Variants in NRXN1 observed in about 807,000 individuals in gnomAD.
NRXN1 encodes the protein neurexin 1, also known as neurexin-1.
Under a neutral mutation model 150.9 loss-of-function variants are expected in NRXN1, and 39 were observed. That is an observed-to-expected ratio of 0.26 (90% CI 0.20 to 0.34). NRXN1 has a LOEUF of 0.34. NRXN1 is among the 10% of genes least tolerant of loss of function. The pLI, the probability that NRXN1 is intolerant of heterozygous loss-of-function variation, is 1.00. For missense variants in NRXN1, 1,815 were observed against 1,949.9 expected (o/e 0.93, Z 1.30); for synonymous variants, 924 against 757.0 (o/e 1.22, Z -3.62).
chr2:50,139,044 G>A (rs950954827), intron 18 of NRXN1, among the ~76,000 whole-genome samples: 1 of 152,142 alleles, frequency 6.6e-6, no homozygotes, highest in Non-Finnish European at 1.5e-5. Context: ...TACTGCATGT[G>A]GACGGGCAAG....
chr2:49,988,620 A>C (rs1195654313), intron 21 of NRXN1, among the ~76,000 whole-genome samples: 5 of 19,784 alleles, frequency 2.5e-4, no homozygotes, highest in Non-Finnish European at 7.8e-4. Flanking sequence ...GTTAACTATT[A>C]AAAAAAAAAA....
chr2:51,026,471 T>C, intron 2 of NRXN1: 1 of 1,588,064 alleles, frequency 6.3e-7, no homozygotes, highest in Non-Finnish European at 8.6e-7. Context: ...ATTTTATTTC[T>C]AAAGAGGAGA....
At chr2:50,051,262 A>G (rs1692667399) in intron 21 of NRXN1, among the ~76,000 whole-genome samples, 2 of 152,056 alleles carry the variant, frequency 1.3e-5, no homozygotes, top group Non-Finnish European at 2.9e-5. Context: ...ATTTCTTAAT[A>G]TATGTTACTA....
intron 18 of NRXN1, among the ~76,000 whole-genome samples, chr2:50,195,348 G>C (rs2061689288): frequency 6.6e-6 from 1 of 152,038 alleles, no homozygotes; most frequent in Non-Finnish European, 1.5e-5. Context: ...TTGTCTCCTT[G>C]TTGCTTCATG....
intron 17 of NRXN1, among the ~76,000 whole-genome samples, chr2:50,265,643 A>C (rs1012377178): frequency 1.3e-5 from 2 of 152,188 alleles, no homozygotes; most frequent in Non-Finnish European, 2.9e-5. Context: ...ACCAAAAGCA[A>C]GACATAGCAC....
chr2:50,047,053 T>C (rs2152608734), intron 21 of NRXN1, among the ~76,000 whole-genome samples: 1 of 152,256 alleles, frequency 6.6e-6, no homozygotes, highest in Middle Eastern at 3.4e-3. Flanking sequence ...GGGAACAATA[T>C]GACTGTATTT....
intron 5 of NRXN1, chr2:50,912,057 G>A (rs1306459948): frequency 6.6e-6 from 1 of 151,762 alleles, no homozygotes; most frequent in Non-Finnish European, 1.5e-5. Context: ...GAAGCATTAT[G>A]AGGTGAGTTA....
chr2:50,958,984 G>A (rs2104668432), intron 2 of NRXN1, among the ~76,000 whole-genome samples: 1 of 152,072 alleles, frequency 6.6e-6, no homozygotes, highest in East Asian at 1.9e-4. Context: ...TTGTCGTAGT[G>A]TCTTTGCTAA....
chr2:50,957,423 T>A (rs1692450623), intron 2 of NRXN1, among the ~76,000 whole-genome samples: 1 of 152,040 alleles, frequency 6.6e-6, no homozygotes, highest in African/African-American at 2.4e-5. Context: ...TAACTGGGAG[T>A]GGATATTACC....
rs202136991 is a variant in NRXN1 at position 50,921,883 on chromosome 2, A to G, written c.821-3T>C. The G allele has an allele frequency of 2.9e-6, 4 of 1,402,860 alleles. No individual in the cohort carries two copies. Among genetic ancestry groups the G allele is most frequent in the East Asian group, 2.6e-5 (1 of 38,738 alleles). 86.9% of individuals were successfully genotyped at this position (1,402,860 alleles called of 1,614,324 possible). A position where few individuals can be genotyped will look rare whatever the true frequency, so the allele number is the denominator to read the frequency against. The stretch of plus-strand genomic sequence containing the variant: ...TAATGTAATACCTTTACTTTTACCT[A>G]TGGATTTGATGAAATGGGTCCATGA... On this transcript the variant is annotated splice_region_variant and splice_polypyrimidine_tract_variant and intron_variant, in intron 4 of 22. Coordinates refer to ENST00000401669, the MANE Select transcript of NRXN1 (RefSeq NM_001330078.2).
intron 8 of NRXN1, among the ~76,000 whole-genome samples, chr2:50,583,051 T>TG (rs1321450002): frequency 6.9e-6 from 1 of 145,164 alleles, no homozygotes; most frequent in African/African-American, 2.5e-5. Context: ...TCCCACCTAG[T>TG]TTTTTTTTTT....
intron 8 of NRXN1, among the ~76,000 whole-genome samples, chr2:50,553,785 G>A (rs1365312993): frequency 2.6e-5 from 4 of 152,122 alleles, no homozygotes; most frequent in African/African-American, 9.7e-5. Flanking sequence ...ATTTTCCAAG[G>A]CACTTCAGTG....
At chr2:49,923,724 G>A (rs1390516518) in intron 22 of NRXN1, among the ~76,000 whole-genome samples, 2 of 152,132 alleles carry the variant, frequency 1.3e-5, no homozygotes, top group African/African-American at 4.8e-5. Context: ...CTAAACGTGT[G>A]TGTGTGTGTG....
intron 17 of NRXN1, among the ~76,000 whole-genome samples, chr2:50,290,859 T>A (rs2072832903): frequency 6.6e-6 from 1 of 152,166 alleles, no homozygotes; most frequent in Non-Finnish European, 1.5e-5. Context: ...CTGCTGCATG[T>A]GGCTGACAGT....
intron 17 of NRXN1, among the ~76,000 whole-genome samples, chr2:50,310,669 G>A (rs1327790326): frequency 6.6e-6 from 1 of 152,080 alleles, no homozygotes; most frequent in African/African-American, 2.4e-5. Context: ...TGTTATTGGA[G>A]AACATTTAGT....
intron 8 of NRXN1, among the ~76,000 whole-genome samples, chr2:50,565,387 A>T (rs1407966632): frequency 6.9e-6 from 1 of 144,776 alleles, no homozygotes; most frequent in African/African-American, 2.6e-5. Context: ...TCACTTCAAT[A>T]AAAAAAAAAT....
chr2:50,028,232 T>A (rs991684433), intron 21 of NRXN1, among the ~76,000 whole-genome samples: 2 of 152,206 alleles, frequency 1.3e-5, no homozygotes, highest in Non-Finnish European at 2.9e-5. Context: ...ATTCTTTTTG[T>A]GGATATACTG....
At chr2:51,002,119 G>A (rs985459206) in intron 2 of NRXN1, among the ~76,000 whole-genome samples, 1 of 151,852 alleles carries the variant, frequency 6.6e-6, no homozygotes. Flanking sequence ...TATTTTTTCA[G>A]GTCTTCACTT....
chr2:50,113,256 G>A (rs1702609652), intron 18 of NRXN1, among the ~76,000 whole-genome samples: 1 of 152,036 alleles, frequency 6.6e-6, no homozygotes, highest in East Asian at 1.9e-4. Context: ...TTCCTCTCCT[G>A]ATTTTGTATA....
Sources: gnomAD v4.1 joint callset for allele counts (sites outside exome capture counted in the v4.1 genomes callset) on GRCh38, gnomAD v4.1.1 for gene constraint, MANE v1.5 for transcripts, NCBI Gene and HGNC (gene_info 2026-07-23, HGNC 2026-07-21) for gene names.